Variants in CABCOCO1 observed in about 807,000 individuals in gnomAD.
The protein encoded by CABCOCO1 is ciliary-associated calcium-binding coiled-coil protein 1.
A neutral mutation model predicts 35.7 loss-of-function variants in CABCOCO1; 28 were observed. The ratio of observed to expected loss-of-function variants is 0.78; its 90% CI spans 0.58 to 1.07. The LOEUF is 1.07. CABCOCO1 is among the 50% of genes least tolerant of loss of function. CABCOCO1 has a pLI of 0.00. For missense variants in CABCOCO1, 326 were observed against 309.2 expected, an observed-to-expected ratio of 1.05 and a Z score of -0.41; for synonymous variants, 95 against 100.1, an observed-to-expected ratio of 0.95 and a Z score of 0.30.
intron 5 of CABCOCO1, among the ~76,000 whole-genome samples, chr10:61,707,267 T>C (rs1389401834): frequency 2.0e-5 from 3 of 151,972 alleles, no homozygotes; most frequent in Non-Finnish European, 2.9e-5. Context: ...TTGATGTGAG[T>C]GCACTCAGGA....
chr10:61,696,755 T>C (rs1325782380), intron 5 of CABCOCO1, among the ~76,000 whole-genome samples: 5 of 152,024 alleles, frequency 3.3e-5, no homozygotes, highest in African/African-American at 1.2e-4. Flanking sequence ...ATCCTTCAGT[T>C]GCAGCCCCCT....
intron 5 of CABCOCO1, among the ~76,000 whole-genome samples, chr10:61,727,019 G>A (rs1450396029): frequency 1.3e-5 from 2 of 151,988 alleles, no homozygotes; most frequent in Non-Finnish European, 2.9e-5. Flanking sequence ...CCAAGACTGT[G>A]CCACTGCACT....
intron 1 of CABCOCO1, among the ~76,000 whole-genome samples, chr10:61,671,059 G>A (rs1167142617): frequency 1.3e-5 from 2 of 152,192 alleles, no homozygotes; most frequent in Non-Finnish European, 2.9e-5. Flanking sequence ...GGGCACCGTG[G>A]CCCACGCCTG....
rs150748383 is a variant in CABCOCO1 at position 61,758,298 on chromosome 10, A to G, written c.553-1761A>G. ...CTATAATGTTTCAGAGGCCGCTAAA[A>G]TATGTTTAGCTGTCTCCTTTTCCTA... is the stretch of plus-strand genomic sequence containing the variant. On this transcript the variant is annotated intron_variant, in intron 5 of 7. Transcript: ENST00000648843. 4.1e-4 allele frequency among the ~76,000 whole-genome samples: 63 copies of G among 152,156 alleles called. 1 individual carries two copies. In the East Asian group the frequency reaches 0.012, roughly 29 times the overall value.
intron 5 of CABCOCO1, among the ~76,000 whole-genome samples, chr10:61,728,081 AC>A (rs1398830755): frequency 6.6e-6 from 1 of 152,184 alleles, no homozygotes; most frequent in Non-Finnish European, 1.5e-5. Context: ...AAAGGACTAA[AC>A]CCATTTTTGA....
intron 1 of CABCOCO1, among the ~76,000 whole-genome samples, chr10:61,670,365 C>A (rs536585159): frequency 7.1e-4 from 108 of 151,744 alleles, no homozygotes; most frequent in African/African-American, 2.6e-3. Flanking sequence ...ATACTTTTTT[C>A]TTAATGAGTT....
At chr10:61,672,169 G>A (rs1342877753) in intron 1 of CABCOCO1, among the ~76,000 whole-genome samples, 1 of 152,144 alleles carries the variant, frequency 6.6e-6, no homozygotes, top group Non-Finnish European at 1.5e-5. Flanking sequence ...CCTGTCTATA[G>A]AGTTTCCTTG....
At chr10:61,727,343 T>A (rs910743351) in intron 5 of CABCOCO1, among the ~76,000 whole-genome samples, 23 of 152,212 alleles carry the variant, frequency 1.5e-4, no homozygotes, top group African/African-American at 5.5e-4. Flanking sequence ...GAGAAAGATG[T>A]ATAAATTGTT....
At chr10:61,744,559 T>A (rs1841616119) in intron 5 of CABCOCO1, among the ~76,000 whole-genome samples, 1 of 152,164 alleles carries the variant, frequency 6.6e-6, no homozygotes, top group Non-Finnish European at 1.5e-5. Context: ...TCATTAAACT[T>A]GTTTGAGCCA....
chr10:61,766,170 T>C lies in CABCOCO1; in HGVS notation c.*157T>C, dbSNP rs751342414. 34 of 648,088 alleles carry C rather than the reference T, an allele frequency of 5.2e-5. 1 individual carries two copies. The highest frequency in any genetic ancestry group is 2.6e-4 in the Middle Eastern group (1 of 3,876). The allele number at this position is 648,088 out of a possible 1,614,324, so 40.1% of individuals were successfully genotyped here. Reference sequence around the variant, plus strand: ...TCCTAAGTAATTAGAAAAGTATTGGTCCCAATTTTGCTATCTCCCATCCCA... The same window carrying C: ...TCCTAAGTAATTAGAAAAGTATTGGCCCCAATTTTGCTATCTCCCATCCCA... On this transcript the variant is annotated 3_prime_UTR_variant, in exon 8 of 8. Coordinates refer to ENST00000648843, the MANE Select transcript of CABCOCO1 (RefSeq NM_001366906.2).
intron 5 of CABCOCO1, chr10:61,701,844 T>A: frequency 1.1e-6 from 1 of 947,520 alleles, no homozygotes; most frequent in South Asian, 4.9e-5. Context: ...AGAGTGGATA[T>A]AACTGTCTTC....
intron 1 of CABCOCO1, among the ~76,000 whole-genome samples, chr10:61,665,014 C>T (rs1201801244): frequency 1.3e-5 from 2 of 152,152 alleles, no homozygotes; most frequent in Non-Finnish European, 2.9e-5. Flanking sequence ...TAGCCAGTAG[C>T]CCATGTAGTC....
chr10:61,699,848 A>AACTG (rs1840403277), intron 5 of CABCOCO1, among the ~76,000 whole-genome samples: 1 of 152,170 alleles, frequency 6.6e-6, no homozygotes, highest in Admixed American at 6.6e-5. Flanking sequence ...AGATCTGGGT[A>AACTG]ACTGACATTA....
At chr10:61,663,504 A>G (rs954363294) in intron 1 of CABCOCO1, among the ~76,000 whole-genome samples, 25 of 152,188 alleles carry the variant, frequency 1.6e-4, no homozygotes, top group Non-Finnish European at 2.9e-5. Flanking sequence ...TCATGAAATA[A>G]TAACTGTTTA....
chr10:61,716,586 C>G (rs1383380790), intron 5 of CABCOCO1, among the ~76,000 whole-genome samples: 1 of 152,134 alleles, frequency 6.6e-6, no homozygotes, highest in African/African-American at 2.4e-5. Context: ...CTGAAAATAG[C>G]TCTTCCATTT....
At chr10:61,675,935 A>T (rs1159701525) in intron 2 of CABCOCO1, among the ~76,000 whole-genome samples, 4 of 152,186 alleles carry the variant, frequency 2.6e-5, no homozygotes, top group African/African-American at 9.7e-5. Flanking sequence ...ATAGTGAATC[A>T]GAAAAAATAG....
At chr10:61,714,666 T>C (rs1478751697) in intron 5 of CABCOCO1, among the ~76,000 whole-genome samples, 1 of 152,200 alleles carries the variant, frequency 6.6e-6, no homozygotes, top group South Asian at 2.1e-4. Context: ...TAAATTTCCC[T>C]CTATATACTG....
intron 5 of CABCOCO1, among the ~76,000 whole-genome samples, chr10:61,696,664 A>G (rs1164541478): frequency 1.3e-5 from 2 of 151,932 alleles, no homozygotes; most frequent in Admixed American, 1.3e-4. Context: ...TACCCGGCTA[A>G]TTTTTTATTT....
intron 5 of CABCOCO1, among the ~76,000 whole-genome samples, chr10:61,695,901 A>G (rs1840282435): frequency 6.6e-6 from 1 of 152,108 alleles, no homozygotes; most frequent in Non-Finnish European, 1.5e-5. Flanking sequence ...AAGTACATTT[A>G]TTACAAACAG....
Sources: gnomAD v4.1 joint callset for allele counts (sites outside exome capture counted in the v4.1 genomes callset) on GRCh38, gnomAD v4.1.1 for gene constraint, MANE v1.5 for transcripts, NCBI Gene and HGNC (gene_info 2026-07-23, HGNC 2026-07-21) for gene names.